Variants in CNTN5 observed in about 807,000 individuals in gnomAD.
The protein encoded by CNTN5 is contactin-5.
CNTN5 carries 77 observed loss-of-function variants against 129.1 expected under a neutral mutation model. The ratio of observed to expected loss-of-function variants is 0.60; its 90% CI spans 0.50 to 0.72. CNTN5 has a LOEUF of 0.72. Among genes scored for constraint, CNTN5 ranks in the 30% least tolerant of loss-of-function variants. CNTN5 has a pLI of 0.00. For missense variants in CNTN5, 1,478 were observed against 1,328.8 expected, an observed-to-expected ratio of 1.11 and a Z score of -1.75; for synonymous variants, 509 against 465.6, an observed-to-expected ratio of 1.09 and a Z score of -1.20.
At chr11:99,593,297 A>C (rs1950033573) in intron 3 of CNTN5, among the ~76,000 whole-genome samples, 1 of 152,132 alleles carries the variant, frequency 6.6e-6, no homozygotes, top group African/African-American at 2.4e-5. Flanking sequence ...AATAAAAATA[A>C]ATAAATAACA....
chr11:99,965,808 C>T (rs1951078906), intron 8 of CNTN5, among the ~76,000 whole-genome samples: 1 of 152,132 alleles, frequency 6.6e-6, no homozygotes. Flanking sequence ...CTTTCTAGGT[C>T]TCTAAGGACT....
At chr11:99,287,076 A>C (rs1267322625) in intron 1 of CNTN5, among the ~76,000 whole-genome samples, 1 of 152,158 alleles carries the variant, frequency 6.6e-6, no homozygotes, top group African/African-American at 2.4e-5. Context: ...CTGCCTTTCA[A>C]TATTTAAAAG....
chr11:100,125,796 C>A (rs2138184731), intron 13 of CNTN5, among the ~76,000 whole-genome samples: 1 of 152,060 alleles, frequency 6.6e-6, no homozygotes, highest in East Asian at 1.9e-4. Context: ...TTTTGGGTCT[C>A]AATATTTCCT....
rs74885755 is a variant in CNTN5, at chr11:99,827,206, G to C, written c.277+7441G>C. Among the ~76,000 whole-genome samples, 699 of 152,234 alleles carry C rather than the reference G, an allele frequency of 4.6e-3. 8 individuals carry two copies. The highest frequency in any genetic ancestry group is 0.013 in the African/African-American group (554 of 41,556). ...GGGTTCAAGCGATTCTCTAACGTCAGCCTCTCTGGTAGCTGGAACTACAGG... is the reference window on the plus strand; with the variant it reads ...GGGTTCAAGCGATTCTCTAACGTCACCCTCTCTGGTAGCTGGAACTACAGG... On this transcript the variant is annotated intron_variant, in intron 4 of 24. Transcript: ENST00000524871.
intron 1 of CNTN5, among the ~76,000 whole-genome samples, chr11:99,287,275 G>A (rs1863978503): frequency 6.6e-6 from 1 of 152,086 alleles, no homozygotes; most frequent in Non-Finnish European, 1.5e-5. Context: ...AGCTGAAATA[G>A]TATTATTATG....
At chr11:99,755,800 C>T (rs1296188561) in intron 3 of CNTN5, among the ~76,000 whole-genome samples, 1 of 152,024 alleles carries the variant, frequency 6.6e-6, no homozygotes, top group Non-Finnish European at 1.5e-5. Context: ...CTACTCTTAA[C>T]TCCTTAAGAA....
intron 9 of CNTN5, among the ~76,000 whole-genome samples, chr11:100,042,960 T>G (rs1591117449): frequency 2.0e-5 from 3 of 152,326 alleles, no homozygotes; most frequent in Admixed American, 2.0e-4. Context: ...AAAACAGAAC[T>G]GTGCTCTTCC....
At chr11:99,043,026 C>T (rs764052721) in intron 1 of CNTN5, among the ~76,000 whole-genome samples, 3 of 152,040 alleles carry the variant, frequency 2.0e-5, no homozygotes, top group Non-Finnish European at 4.4e-5. Flanking sequence ...TCCCCTGGAC[C>T]TTGGATTAAT....
chr11:99,896,524 G>A (rs1949211452), intron 6 of CNTN5, among the ~76,000 whole-genome samples: 1 of 152,042 alleles, frequency 6.6e-6, no homozygotes. Flanking sequence ...GTTGTTCCCT[G>A]CCAAACAGAA....
At position 99,926,217 on chromosome 11, in the gene CNTN5, A is replaced by G. The variant is rs568223225; in HGVS notation, c.673+10068A>G. 2.0e-5 allele frequency among the ~76,000 whole-genome samples: 3 copies of G among 152,294 alleles called. No individual in the cohort carries two copies. The East Asian group carries it at 5.8e-4, about 30-fold the overall frequency. ...TTGCCTTAAATCATTATCTGCTAAC[A>G]TTAATTAACAGTTGGCAGAGATTAG... On this transcript the variant is annotated intron_variant, in intron 7 of 24. Coordinates refer to ENST00000524871, the MANE Select transcript of CNTN5 (RefSeq NM_014361.4).
At chr11:99,406,052 C>T (rs965970930) in intron 2 of CNTN5, among the ~76,000 whole-genome samples, 1 of 151,256 alleles carries the variant, frequency 6.6e-6, no homozygotes, top group African/African-American at 2.4e-5. Flanking sequence ...GGTCCCTAGT[C>T]CTTTATTTAG....
intron 13 of CNTN5, among the ~76,000 whole-genome samples, chr11:100,148,041 A>C (rs959189744): frequency 2.6e-5 from 4 of 152,122 alleles, no homozygotes; most frequent in Non-Finnish European, 5.9e-5. Context: ...TTCTCCTCTC[A>C]TCTGGAAGGT....
At chr11:100,012,665 A>G (rs946259530) in intron 9 of CNTN5, among the ~76,000 whole-genome samples, 7 of 152,166 alleles carry the variant, frequency 4.6e-5, no homozygotes, top group African/African-American at 1.7e-4. Context: ...AGAACTAGAT[A>G]CCCTGATGCT....
chr11:99,843,495 T>A (rs192681580), intron 4 of CNTN5, among the ~76,000 whole-genome samples: 2 of 152,330 alleles, frequency 1.3e-5, no homozygotes, highest in East Asian at 3.9e-4. Context: ...TTATACTTTT[T>A]TTCTGAATAT....
intron 6 of CNTN5, among the ~76,000 whole-genome samples, chr11:99,907,796 T>C (rs1391795186): frequency 1.3e-5 from 2 of 151,952 alleles, no homozygotes; most frequent in African/African-American, 4.8e-5. Context: ...CAGAAAGTTG[T>C]AAAGTTGTAA....
At chr11:99,505,091 T>G (rs908775629) in intron 2 of CNTN5, among the ~76,000 whole-genome samples, 1 of 152,226 alleles carries the variant, frequency 6.6e-6, no homozygotes, top group Admixed American at 6.5e-5. Context: ...GACTCAATTG[T>G]GTTCCAGTAT....
At chr11:100,218,171 T>C (rs1949184135) in intron 15 of CNTN5, among the ~76,000 whole-genome samples, 1 of 152,178 alleles carries the variant, frequency 6.6e-6, no homozygotes, top group Admixed American at 6.5e-5. Context: ...AAATAACACA[T>C]AAATATACCA....
At chr11:100,297,298 G>A (rs1951118006) in intron 18 of CNTN5, among the ~76,000 whole-genome samples, 1 of 151,380 alleles carries the variant, frequency 6.6e-6, no homozygotes, top group Admixed American at 6.6e-5. Context: ...CACGTCATTA[G>A]CAAAGAGGAT....
chr11:99,621,506 A>G, intron 3 of CNTN5, among the ~76,000 whole-genome samples: 1 of 150,304 alleles, frequency 6.7e-6, no homozygotes, highest in East Asian at 2.0e-4. Flanking sequence ...TTTTCATTTC[A>G]AGAATAATAT....
Sources: allele counts gnomAD v4.1 joint callset (sites outside exome capture counted in the v4.1 genomes callset), GRCh38; gene constraint gnomAD v4.1.1; transcripts MANE v1.5; gene names NCBI Gene and HGNC (gene_info 2026-07-23, HGNC 2026-07-21).